Variants in TP63 observed in about 807,000 individuals in gnomAD.
TP63 encodes the protein tumor protein p63, also known as tumor protein 63.
Under a neutral mutation model 82.8 loss-of-function variants are expected in TP63, and 17 were observed. That is an observed-to-expected ratio of 0.21 (90% CI 0.14 to 0.31). The LOEUF is 0.31. Among genes scored for constraint, TP63 ranks in the 10% least tolerant of loss-of-function variants. The pLI is 1.00. For synonymous variants in TP63, 330 were observed against 321.7 expected, an observed-to-expected ratio of 1.03 and a Z score of -0.28; for missense variants, 648 against 895.3, an observed-to-expected ratio of 0.72 and a Z score of 3.52.
rs78746958 is a variant in TP63 at position 189,800,611 on chromosome 3, G to A, written c.325-7661G>A. Among the ~76,000 whole-genome samples, 966 of 152,196 alleles carry A rather than the reference G, an allele frequency of 6.3e-3. 7 individuals carry two copies. Among genetic ancestry groups the A allele is most frequent in the African/African-American group, 0.022 (925 of 41,530 alleles). ...GTCGGAATGAAAGCTACTTAGGAAAGCGGGTTCCGGAGCCAGATTTACTGG... is the reference window on the plus strand; with the variant it reads ...GTCGGAATGAAAGCTACTTAGGAAAACGGGTTCCGGAGCCAGATTTACTGG... On this transcript the variant is annotated intron_variant, in intron 3 of 13. Coordinates refer to ENST00000264731, the MANE Select transcript of TP63 (RefSeq NM_003722.5).
chr3:189,738,790 T>C lies in TP63; in HGVS notation c.324+16T>C. The C allele has an allele frequency of 6.2e-7, 1 of 1,613,862 alleles. No homozygotes were observed. Among genetic ancestry groups the C allele is most frequent in the Non-Finnish European group, 8.5e-7 (1 of 1,179,886 alleles). ...CCCCATGTGGGTGAGTGGCACAGGC[T>C]TTCTCTTCAGTCTTTGGGCCATGCT... is the stretch of plus-strand genomic sequence containing the variant. On this transcript the variant is annotated intron_variant, in intron 3 of 13. Transcript: ENST00000264731.
chr3:189,680,351 A>G (rs1715800464), intron 1 of TP63, among the ~76,000 whole-genome samples: 1 of 152,014 alleles, frequency 6.6e-6, no homozygotes, highest in African/African-American at 2.4e-5. Flanking sequence ...TTTTTATACT[A>G]TTTTAAATAA....
chr3:189,644,374 G>A (rs762740817), intron 1 of TP63, among the ~76,000 whole-genome samples: 1 of 151,750 alleles, frequency 6.6e-6, no homozygotes, highest in Admixed American at 6.6e-5. Flanking sequence ...TTCAAAGTTT[G>A]TCTTAATTTC....
intron 4 of TP63, among the ~76,000 whole-genome samples, chr3:189,827,907 G>C (rs1384514123): frequency 1.3e-5 from 2 of 152,144 alleles, no homozygotes; most frequent in Non-Finnish European, 2.9e-5. Context: ...GAGACTAAAA[G>C]CAGGGAGGCT....
intron 1 of TP63, among the ~76,000 whole-genome samples, chr3:189,674,290 C>G (rs1249567241): frequency 6.6e-6 from 1 of 152,088 alleles, no homozygotes; most frequent in African/African-American, 2.4e-5. Flanking sequence ...ACCACTCCAT[C>G]TAAGTCTGCA....
chr3:189,715,506 T>G (rs1718893705), intron 1 of TP63, among the ~76,000 whole-genome samples: 1 of 152,196 alleles, frequency 6.6e-6, no homozygotes, highest in Non-Finnish European at 1.5e-5. Flanking sequence ...CATTAAGACC[T>G]ATTAGGTATA....
At chr3:189,728,206 A>G (rs1375831271) in intron 1 of TP63, among the ~76,000 whole-genome samples, 1 of 152,146 alleles carries the variant, frequency 6.6e-6, no homozygotes, top group Admixed American at 6.6e-5. Context: ...ATGATGAGAA[A>G]TAAAGCCCTT....
chr3:189,694,568 A>G (rs79670660), intron 1 of TP63, among the ~76,000 whole-genome samples: 2,295 of 152,136 alleles, frequency 0.015, 50 homozygotes, highest in African/African-American at 0.053. Context: ...TTTTAATGAT[A>G]AACCTGGGTT....
intron 4 of TP63, chr3:189,844,356 G>C (rs1471755052): frequency 2.5e-6 from 1 of 397,580 alleles, no homozygotes; most frequent in Non-Finnish European, 5.2e-6. Context: ...CACGACCTCA[G>C]CTCACTGCAA....
chr3:189,624,928 C>T, the TP63 span, among the ~76,000 whole-genome samples: 1 of 152,120 alleles, frequency 6.6e-6, no homozygotes, highest in African/African-American at 2.4e-5. Context: ...AATGTAACTG[C>T]AAAACACATT....
Position 189,631,436 on chromosome 3 carries a change from A to G in TP63, c.-80A>G, listed in dbSNP as rs1369309457. ...CTATTGCTTTTAGCCTCCCGGCTTTATATCTATATATACACAGGTATATGT... is the reference window on the plus strand; with the variant it reads ...CTATTGCTTTTAGCCTCCCGGCTTTGTATCTATATATACACAGGTATATGT... On this transcript the variant is annotated 5_prime_UTR_variant, in exon 1 of 14. Transcript: ENST00000264731. The G allele has an allele frequency of 6.2e-7, 1 of 1,603,148 alleles. No individual in the cohort carries two copies. Among genetic ancestry groups the G allele is most frequent in the Non-Finnish European group, 8.5e-7 (1 of 1,174,812 alleles).
At chr3:189,776,645 T>C (rs1266287399) in intron 3 of TP63, among the ~76,000 whole-genome samples, 1 of 152,174 alleles carries the variant, frequency 6.6e-6, no homozygotes, top group Non-Finnish European at 1.5e-5. Flanking sequence ...CAGACCTAAA[T>C]GTAAATGTTA....
chr3:189,869,212 A>T, intron 8 of TP63, 112 bp from the exon 9 acceptor site: 1 of 869,478 alleles, frequency 1.2e-6, no homozygotes, highest in South Asian at 1.6e-5. Flanking sequence ...CTGTCTTTTT[A>T]ATATGTATAT....
In TP63 at chr3:189,808,153, G is replaced by A; in HGVS notation, c.325-119G>A. On this transcript the variant is annotated intron_variant, in intron 3 of 13. Coordinates refer to ENST00000264731, the MANE Select transcript of TP63 (RefSeq NM_003722.5). ...AAATCAACGGTTTTACTTTGAATGT[G>A]AAGTGCTTCCGACGTGAGGTCCATC... 1.9e-6 allele frequency: 3 copies of A among 1,542,506 alleles called. No individual in the cohort carries two copies. The Admixed American group carries it at 5.1e-5, about 26-fold the overall frequency.
chr3:189,828,692 A>C (rs150738324), intron 4 of TP63, among the ~76,000 whole-genome samples: 133 of 152,340 alleles, frequency 8.7e-4, no homozygotes, highest in African/African-American at 3.1e-3. Flanking sequence ...CCAAATAGCC[A>C]ATGATTGGCT....
intron 4 of TP63, among the ~76,000 whole-genome samples, chr3:189,862,070 G>A (rs1027184835): frequency 6.6e-6 from 1 of 152,156 alleles, no homozygotes; most frequent in Non-Finnish European, 1.5e-5. Context: ...ATCAGTTAGT[G>A]TGAATATTTA....
At chr3:189,839,490 G>A (rs1030500606) in intron 4 of TP63, among the ~76,000 whole-genome samples, 10 of 152,184 alleles carry the variant, frequency 6.6e-5, no homozygotes, top group African/African-American at 2.4e-4. Flanking sequence ...TATTGAAACA[G>A]GCCTTCTATT....
chr3:189,894,421 C>T lies in TP63; in HGVS notation c.1962C>T (p.Pro654=), dbSNP rs2108874525. 2 of 1,614,100 alleles carry T rather than the reference C, an allele frequency of 1.2e-6. No homozygotes were observed. Among genetic ancestry groups the T allele is most frequent in the Non-Finnish European group, 1.7e-6 (2 of 1,180,016 alleles). Residue 654 remains proline, a synonymous_variant, in exon 14 of 14, where the codon CCC becomes CCT. Transcript: ENST00000264731. The stretch of plus-strand genomic sequence containing the variant: ...TCCGCCAGACCATCTCTTTCCCACC[C>T]CGAGATGAGTGGAATGACTTCAACT... The part of the protein sequence containing the change: ...FTLRQTISFP[P]RDEWNDFNFD...
At chr3:189,753,568 A>G (rs1228906743) in intron 3 of TP63, among the ~76,000 whole-genome samples, 1 of 152,036 alleles carries the variant, frequency 6.6e-6, no homozygotes, top group Non-Finnish European at 1.5e-5. Flanking sequence ...ATTACATTTG[A>G]AATGAGTTTC....
Sources: allele counts gnomAD v4.1 joint callset (sites outside exome capture counted in the v4.1 genomes callset), GRCh38; gene constraint gnomAD v4.1.1; transcripts MANE v1.5; gene names NCBI Gene and HGNC (gene_info 2026-07-23, HGNC 2026-07-21).